Variants in TRAPPC9 observed in about 807,000 individuals in gnomAD.
TRAPPC9 encodes the protein IKK2 binding protein.
Under a neutral mutation model 124.0 loss-of-function variants are expected in TRAPPC9, and 83 were observed. The observed-to-expected ratio is 0.67, with a 90% CI of 0.56 to 0.80. TRAPPC9 has a LOEUF of 0.80. Among genes scored for constraint, TRAPPC9 ranks in the 30% least tolerant of loss-of-function variants. TRAPPC9 has a pLI of 0.00. For synonymous variants in TRAPPC9, 638 were observed against 617.5 expected, an observed-to-expected ratio of 1.03 and a Z score of -0.49; for missense variants, 1,302 against 1,508.3, an observed-to-expected ratio of 0.86 and a Z score of 2.27.
In TRAPPC9 at chr8:139,736,759, C is replaced by T. The variant is rs535487613; in HGVS notation, c.3056-4557G>A. Among the ~76,000 whole-genome samples the T allele has an allele frequency of 3.9e-5, 6 of 152,326 alleles. No homozygotes were observed. The East Asian group carries it at 9.7e-4, about 25-fold the overall frequency. On this transcript the variant is annotated intron_variant, in intron 21 of 22. Transcript: ENST00000438773. ...GGCAGGGCTGTGCCCGGGTAGGATT[C>T]GTGACCCCGTCAGCAGCAACACCGG...
chr8:139,967,853 T>C, intron 19 of TRAPPC9, among the ~76,000 whole-genome samples: 1 of 152,184 alleles, frequency 6.6e-6, no homozygotes, highest in Admixed American at 6.5e-5. Flanking sequence ...AAAAACACAA[T>C]GGTGGCCGGG....
At chr8:140,030,185 C>T (rs1202681782) in intron 17 of TRAPPC9, among the ~76,000 whole-genome samples, 2 of 152,176 alleles carry the variant, frequency 1.3e-5, no homozygotes, top group Non-Finnish European at 2.9e-5. Context: ...CAAAACCATA[C>T]TTGATGATAA....
At chr8:139,841,271 T>A (rs1213148896) in intron 21 of TRAPPC9, among the ~76,000 whole-genome samples, 1 of 152,222 alleles carries the variant, frequency 6.6e-6, no homozygotes, top group African/African-American at 2.4e-5. Context: ...GAAGGTCAGC[T>A]GCTTAGTAAC....
At chr8:139,950,685 C>G (rs1281191904) in intron 19 of TRAPPC9, among the ~76,000 whole-genome samples, 4 of 152,228 alleles carry the variant, frequency 2.6e-5, no homozygotes, top group African/African-American at 9.6e-5. Context: ...AGGTATGAAT[C>G]AGACCTTTCC....
chr8:140,392,733 C>A (rs2037844985), intron 7 of TRAPPC9, among the ~76,000 whole-genome samples: 1 of 152,202 alleles, frequency 6.6e-6, no homozygotes, highest in Non-Finnish European at 1.5e-5. Context: ...AGTTGTACAA[C>A]CTTTCCTTAG....
chr8:139,767,045 CCT>C (rs1302703481), intron 21 of TRAPPC9, among the ~76,000 whole-genome samples: 1 of 152,208 alleles, frequency 6.6e-6, no homozygotes, highest in Non-Finnish European at 1.5e-5. Flanking sequence ...GACTGTGCCC[CCT>C]GCTATGCCTG....
At chr8:139,746,531 A>G (rs920867329) in intron 21 of TRAPPC9, among the ~76,000 whole-genome samples, 4 of 152,140 alleles carry the variant, frequency 2.6e-5, no homozygotes, top group African/African-American at 7.2e-5. Context: ...AGGTGGGTAG[A>G]GCCTCAGGGT....
At chr8:139,830,943 C>G (rs10094108) in intron 21 of TRAPPC9, among the ~76,000 whole-genome samples, 28,923 of 152,278 alleles carry the variant, frequency 0.19, 4,740 homozygotes, top group African/African-American at 0.42. Context: ...CGGCAGCAAG[C>G]TCCATCGCTG....
chr8:139,963,228 A>G (rs2131570578), intron 19 of TRAPPC9, among the ~76,000 whole-genome samples: 1 of 152,234 alleles, frequency 6.6e-6, no homozygotes, highest in African/African-American at 2.4e-5. Flanking sequence ...TTCCCACCCC[A>G]GTGGCTCTCA....
intron 17 of TRAPPC9, among the ~76,000 whole-genome samples, chr8:140,085,151 CTT>C (rs1364605794): frequency 6.6e-6 from 1 of 152,128 alleles, no homozygotes; most frequent in African/African-American, 2.4e-5. Flanking sequence ...CCCCATGACT[CTT>C]TGAAAAAGAG....
chr8:140,095,033 G>A (rs1449218455), intron 17 of TRAPPC9: 1 of 152,190 alleles, frequency 6.6e-6, no homozygotes, highest in African/African-American at 2.4e-5. Context: ...TGGATTTCCA[G>A]AAGCCCAATC....
At position 139,833,053 on chromosome 8, in the gene TRAPPC9, T is replaced by C. The variant is rs145393054; in HGVS notation, c.3055+52826A>G. 3.0e-3 allele frequency among the ~76,000 whole-genome samples: 452 copies of C among 152,140 alleles called. 5 individuals carry two copies. Among genetic ancestry groups the C allele is most frequent in the African/African-American group, 0.01 (422 of 41,512 alleles). ...GATGGAGGGGCCACGTGTCCAGGAA[T>C]GGGGGTGGCCTCTGGGAGCTGACAG... On this transcript the variant is annotated intron_variant, in intron 21 of 22. Coordinates refer to ENST00000438773, the MANE Select transcript of TRAPPC9 (RefSeq NM_001160372.4).
In TRAPPC9 at chr8:140,218,860, T is replaced by C. The variant is rs1409309605; in HGVS notation, c.2556+2599A>G. Among the ~76,000 whole-genome samples the C allele has an allele frequency of 2.0e-5, 3 of 152,024 alleles. No individual in the cohort carries two copies. In the East Asian group the frequency reaches 5.8e-4, roughly 29 times the overall value. ...CTGTAATTCCAGCTACTCTGGAGGC[T>C]GAGGCAGGAAAATCGCTTGAACCCA... On this transcript the variant is annotated intron_variant, in intron 17 of 22. Coordinates refer to ENST00000438773, the MANE Select transcript of TRAPPC9 (RefSeq NM_001160372.4).
chr8:139,751,877 C>CCCATCCATCCAT (rs371020119), intron 21 of TRAPPC9, among the ~76,000 whole-genome samples: 1 of 151,426 alleles, frequency 6.6e-6, no homozygotes, highest in East Asian at 2.0e-4. Context: ...TCACCATCTA[C>CCCATCCATCCAT]CCATCCATCC....
intron 17 of TRAPPC9, among the ~76,000 whole-genome samples, chr8:140,121,434 C>T (rs998394459): frequency 6.6e-6 from 1 of 152,170 alleles, no homozygotes; most frequent in African/African-American, 2.4e-5. Flanking sequence ...GGGGAAATCA[C>T]AGTCAGATTG....
At chr8:140,420,021 C>T (rs185347673) in intron 5 of TRAPPC9, among the ~76,000 whole-genome samples, 307 of 151,962 alleles carry the variant, frequency 2.0e-3, no homozygotes, top group African/African-American at 6.9e-3. Context: ...GGATATAAAA[C>T]CAATACACAA....
chr8:140,363,656 G>A (rs1443974247), intron 8 of TRAPPC9, among the ~76,000 whole-genome samples: 4 of 151,280 alleles, frequency 2.6e-5, no homozygotes, highest in Non-Finnish European at 5.9e-5. Flanking sequence ...GGAGTGCAAT[G>A]CCACGATCTT....
chr8:140,009,131 T>C (rs1684591286), intron 18 of TRAPPC9, among the ~76,000 whole-genome samples: 1 of 152,230 alleles, frequency 6.6e-6, no homozygotes, highest in Admixed American at 6.5e-5. Context: ...ATTTTTGCCC[T>C]GTAGAAATGT....
At chr8:139,784,013 G>A (rs1011781143) in intron 21 of TRAPPC9, among the ~76,000 whole-genome samples, 3 of 152,128 alleles carry the variant, frequency 2.0e-5, no homozygotes, top group Admixed American at 6.5e-5. Context: ...CTTGATCAAG[G>A]CCATCTCTGA....
Sources: allele counts gnomAD v4.1 joint callset (sites outside exome capture counted in the v4.1 genomes callset), GRCh38; gene constraint gnomAD v4.1.1; transcripts MANE v1.5; gene names NCBI Gene and HGNC (gene_info 2026-07-23, HGNC 2026-07-21).